The following TF variants were observed in gnomAD, a reference collection of about 807,000 sequenced individuals.
TF encodes the protein serotransferrin.
Under a neutral mutation model 82.4 loss-of-function variants are expected in TF, and 55 were observed. That is an observed-to-expected ratio of 0.67 (90% CI 0.54 to 0.84). TF has a LOEUF of 0.84. Ranked by LOEUF, TF falls within the 40% of genes least tolerant of loss-of-function variation. The pLI is 0.00. For missense variants in TF, 737 were observed against 868.4 expected, an observed-to-expected ratio of 0.85 and a Z score of 1.90; for synonymous variants, 332 against 332.6, an observed-to-expected ratio of 1.00 and a Z score of 0.02.
chr3:133,679,355 G>A, the TF span, among the ~76,000 whole-genome samples: 1 of 152,076 alleles, frequency 6.6e-6, no homozygotes. Flanking sequence ...TGATTTACCT[G>A]TAGTATAATA....
upstream of TF, among the ~76,000 whole-genome samples, chr3:133,743,055 A>G (rs1933423873): frequency 6.6e-6 from 1 of 152,076 alleles, no homozygotes; most frequent in Non-Finnish European, 1.5e-5. Flanking sequence ...CACTAAATAA[A>G]TAAAGAGAAG....
chr3:133,750,526 G>T (rs1397317084), intron 2 of TF, among the ~76,000 whole-genome samples: 1 of 152,048 alleles, frequency 6.6e-6, no homozygotes. Context: ...CCCTCTTCTG[G>T]GTTTGGTTAT....
the TF span, among the ~76,000 whole-genome samples, chr3:133,735,339 C>CAAAAAAAAA: frequency 8.1e-6 from 1 of 123,432 alleles, no homozygotes. Flanking sequence ...GACTCCATCC[C>CAAAAAAAAA]AAAAAAAAAA....
At chr3:133,688,543 C>T in the TF span, among the ~76,000 whole-genome samples, 1 of 151,888 alleles carries the variant, frequency 6.6e-6, no homozygotes, top group Non-Finnish European at 1.5e-5. Flanking sequence ...AATGTAGCTG[C>T]TCAACATTCA....
rs558225880 is a variant in TF, at chr3:133,783,107, TTC to T, written c.*4489_*4490del. On this transcript the variant is annotated 3_prime_UTR_variant, in exon 17 of 17. Coordinates refer to ENST00000402696, the MANE Select transcript of TF (RefSeq NM_001063.4). ...TAAGGACCACAGTATAGGTAATAAATTCTACTTTATTTGGGATTCCTCCTTCA... is the reference window on the plus strand; with the variant it reads ...TAAGGACCACAGTATAGGTAATAAATTACTTTATTTGGGATTCCTCCTTCA... 1.5e-4 allele frequency: 23 copies of T among 152,332 alleles called. No individual in the cohort carries two copies. The highest frequency in any genetic ancestry group is 5.3e-4 in the African/African-American group (22 of 41,568). The allele number at this position is 152,332 out of a possible 1,614,324, so 9.4% of individuals were successfully genotyped here. A position where few individuals can be genotyped will look rare whatever the true frequency, so the allele number is the denominator to read the frequency against.
At chr3:133,750,611 G>T (rs150051182) in intron 2 of TF, among the ~76,000 whole-genome samples, 32 of 152,158 alleles carry the variant, frequency 2.1e-4, no homozygotes, top group African/African-American at 7.0e-4. Flanking sequence ...GAACCCTGCA[G>T]CTCTAGGGCT....
At chr3:133,727,354 A>C in the TF span, among the ~76,000 whole-genome samples, 1 of 149,882 alleles carries the variant, frequency 6.7e-6, no homozygotes, top group Non-Finnish European at 1.5e-5. Flanking sequence ...TTGGGTGCAT[A>C]TATATTTAGG....
At chr3:133,684,212 G>A in the TF span, among the ~76,000 whole-genome samples, 1 of 152,184 alleles carries the variant, frequency 6.6e-6, no homozygotes, top group Non-Finnish European at 1.5e-5. Context: ...AGTGTGTAGA[G>A]GGAAATTTGT....
the TF span, chr3:133,707,742 T>A: frequency 6.6e-6 from 1 of 152,222 alleles, no homozygotes; most frequent in East Asian, 1.9e-4. Context: ...ATGATTCAAA[T>A]CTTATGATTC....
the TF span, among the ~76,000 whole-genome samples, chr3:133,735,584 C>A: frequency 6.6e-6 from 1 of 151,848 alleles, no homozygotes; most frequent in African/African-American, 2.4e-5. Context: ...TTGCTAACTA[C>A]AATAATCAGT....
the TF span, among the ~76,000 whole-genome samples, chr3:133,666,276 G>A: frequency 8.7e-4 from 133 of 152,176 alleles, no homozygotes; most frequent in African/African-American, 3.0e-3. Flanking sequence ...GGGTTCAAGC[G>A]ATTCTTCTGC....
At chr3:133,721,819 C>T in the TF span, among the ~76,000 whole-genome samples, 2 of 151,874 alleles carry the variant, frequency 1.3e-5, no homozygotes, top group Non-Finnish European at 2.9e-5. Flanking sequence ...TGAATTGATC[C>T]CTTCATCATT....
the TF span, among the ~76,000 whole-genome samples, chr3:133,690,596 G>GTGTGTA: frequency 6.6e-6 from 1 of 152,212 alleles, no homozygotes; most frequent in Non-Finnish European, 1.5e-5. Context: ...TTTTTGTAAT[G>GTGTGTA]TGTGTATGTG....
At chr3:133,733,053 C>T in the TF span, among the ~76,000 whole-genome samples, 2,707 of 152,332 alleles carry the variant, frequency 0.018, 55 homozygotes, top group South Asian at 0.09. Flanking sequence ...TCTACCAACG[C>T]TATGTTCCTG....
In TF at chr3:133,756,852, A is replaced by G; in HGVS notation, c.713A>G (p.Asp238Gly). 1 of 1,614,226 alleles carries G rather than the reference A, an allele frequency of 6.2e-7. No homozygotes were observed. The highest frequency in any genetic ancestry group is 8.5e-7 in the Non-Finnish European group (1 of 1,180,044). The change falls in exon 7 of 17, where the codon GAC becomes GGC. Residue 238 changes from aspartate to glycine, a missense_variant. Asp to Gly is a moderately conservative substitution (Grantham distance 94, BLOSUM62 -1). Transcript: ENST00000402696. ...CCAGAGAACTTGGCAAACAAGGCTG[A>G]CAGGGACCAGTATGAGCTGCTTTGC... is the stretch of plus-strand genomic sequence containing the variant. ...TIFENLANKA[D>G]RDQYELLCLD...
the TF span, among the ~76,000 whole-genome samples, chr3:133,666,407 G>C: frequency 0.017 from 2,524 of 152,224 alleles, 41 homozygotes; most frequent in Admixed American, 0.026. Context: ...TCCTGATCTT[G>C]TGATTCACCC....
the TF span, among the ~76,000 whole-genome samples, chr3:133,694,541 G>C: frequency 6.6e-6 from 1 of 152,190 alleles, no homozygotes; most frequent in African/African-American, 2.4e-5. Flanking sequence ...CTGTGTGGGA[G>C]CCCTGGCCTC....
At chr3:133,765,199 A>G (rs1934097817) in intron 11 of TF, among the ~76,000 whole-genome samples, 1 of 152,220 alleles carries the variant, frequency 6.6e-6, no homozygotes, top group African/African-American at 2.4e-5. Flanking sequence ...AGGATTATAC[A>G]TCTAGGAAGG....
At chr3:133,758,006 G>A in intron 8 of TF, 60 bp downstream of exon 8, 1 of 1,568,068 alleles carries the variant, frequency 6.4e-7, no homozygotes, top group East Asian at 2.2e-5. Context: ...TGAGCACAGG[G>A]GCCAGAGATT....
Sources: gnomAD v4.1 joint callset for allele counts (sites outside exome capture counted in the v4.1 genomes callset) on GRCh38, gnomAD v4.1.1 for gene constraint, MANE v1.5 for transcripts, NCBI Gene and HGNC (gene_info 2026-07-23, HGNC 2026-07-21) for gene names.